The following RSU1 variants were observed in gnomAD, a reference collection of about 807,000 sequenced individuals.
RSU1 encodes Ras suppressor protein 1.
In RSU1, 26 loss-of-function variants were observed where a neutral mutation model predicts 31.1. The ratio of observed to expected loss-of-function variants is 0.84; its 90% CI spans 0.61 to 1.16. The LOEUF is 1.16. Ranked by LOEUF, RSU1 falls within the 50% of genes most tolerant of loss-of-function variation. RSU1 has a pLI of 0.00. For synonymous variants in RSU1, 164 were observed against 136.3 expected (o/e 1.20, Z -1.41); for missense variants, 320 against 339.1 (o/e 0.94, Z 0.44).
At chr10:16,741,268 A>C (rs775765668) in intron 7 of RSU1, among the ~76,000 whole-genome samples, 64 of 152,248 alleles carry the variant, frequency 4.2e-4, no homozygotes, top group Non-Finnish European at 6.9e-4. Flanking sequence ...AGGCAAAAGA[A>C]TAAAACTGAA....
chr10:16,718,097 T>TAAAAAAAAAAAAAAAAAA, intron 7 of RSU1, among the ~76,000 whole-genome samples: 1 of 136,198 alleles, frequency 7.3e-6, no homozygotes, highest in South Asian at 2.4e-4. Context: ...TCAATTTATT[T>TAAAAAAAAAAAAAAAAAA]AAAAAAAAAA....
chr10:16,705,052 G>A (rs1835867866), intron 7 of RSU1, among the ~76,000 whole-genome samples: 1 of 151,876 alleles, frequency 6.6e-6, no homozygotes, highest in Non-Finnish European at 1.5e-5. Flanking sequence ...TTATCTCTTG[G>A]CAACCACCAT....
chr10:16,777,028 T>A (rs1328581288), intron 3 of RSU1, among the ~76,000 whole-genome samples: 2 of 152,094 alleles, frequency 1.3e-5, no homozygotes, highest in Non-Finnish European at 2.9e-5. Flanking sequence ...AAAATTTTTT[T>A]AAAACTTAAG....
At chr10:16,776,087 G>C (rs1246857933) in intron 3 of RSU1, among the ~76,000 whole-genome samples, 2 of 152,170 alleles carry the variant, frequency 1.3e-5, no homozygotes, top group Non-Finnish European at 2.9e-5. Context: ...ACAGACTTAA[G>C]AACAGCAAGG....
intron 2 of RSU1, among the ~76,000 whole-genome samples, chr10:16,786,758 C>T (rs758048366): frequency 2.0e-4 from 31 of 152,148 alleles, no homozygotes; most frequent in African/African-American, 3.6e-4. Context: ...ACGAGAACTC[C>T]GCTTCGTTGG....
intron 8 of RSU1, among the ~76,000 whole-genome samples, chr10:16,674,515 G>A (rs1190556417): frequency 1.3e-5 from 2 of 151,830 alleles, no homozygotes; most frequent in Non-Finnish European, 2.9e-5. Flanking sequence ...TAGGTGCCAG[G>A]CAATGTCTGA....
intron 8 of RSU1, among the ~76,000 whole-genome samples, chr10:16,628,589 G>C (rs1407429739): frequency 2.0e-5 from 3 of 152,138 alleles, no homozygotes; most frequent in African/African-American, 7.2e-5. Context: ...AGAAAGGAAA[G>C]GCATTTGTTA....
intron 8 of RSU1, among the ~76,000 whole-genome samples, chr10:16,653,262 T>C (rs1240122154): frequency 2.0e-5 from 3 of 152,190 alleles, no homozygotes; most frequent in Non-Finnish European, 4.4e-5. Flanking sequence ...ACTATCTCCA[T>C]TTTAAAGTTG....
intron 8 of RSU1, among the ~76,000 whole-genome samples, chr10:16,642,194 T>A (rs529024048): frequency 3.3e-5 from 5 of 151,600 alleles, no homozygotes; most frequent in African/African-American, 1.2e-4. Flanking sequence ...TTCTCTGTAA[T>A]AACGTTACTG....
chr10:16,680,680 A>G (rs1157764466), intron 8 of RSU1, among the ~76,000 whole-genome samples: 1 of 152,200 alleles, frequency 6.6e-6, no homozygotes, highest in Non-Finnish European at 1.5e-5. Flanking sequence ...ACTCAGAGCA[A>G]GAGCTCACTC....
At position 16,590,679 on chromosome 10, in the gene RSU1, A is replaced by C. The variant is rs1272980828; in HGVS notation, c.*2715T>G. On this transcript the variant is annotated 3_prime_UTR_variant, in exon 9 of 9. Transcript: ENST00000345264. ...AAAGTATATGTGTTCATTAGAAAAA[A>C]TTTAAGTACAGAATGAATAAGTAAA... The C allele has an allele frequency of 6.6e-6, 1 of 152,218 alleles. No individual in the cohort carries two copies. Among genetic ancestry groups the C allele is most frequent in the South Asian group, 2.1e-4 (1 of 4,832 alleles). The allele number at this position is 152,218 out of a possible 1,614,324, so 9.4% of individuals were successfully genotyped here. A position where few individuals can be genotyped will look rare whatever the true frequency, so the allele number is the denominator to read the frequency against.
intron 8 of RSU1, among the ~76,000 whole-genome samples, chr10:16,658,872 A>AC (rs1834836211): frequency 6.6e-6 from 1 of 152,196 alleles, no homozygotes; most frequent in Admixed American, 6.5e-5. Flanking sequence ...AATTAGATTG[A>AC]GACCATCAGA....
At chr10:16,791,898 T>C (rs368327781) in intron 2 of RSU1, among the ~76,000 whole-genome samples, 2 of 152,318 alleles carry the variant, frequency 1.3e-5, no homozygotes, top group African/African-American at 4.8e-5. Context: ...TCCATAGTTT[T>C]CAATCTGGCA....
chr10:16,611,504 T>C (rs999470669), intron 8 of RSU1, among the ~76,000 whole-genome samples: 2 of 152,226 alleles, frequency 1.3e-5, no homozygotes, highest in Non-Finnish European at 2.9e-5. Context: ...TGAGTTCCCA[T>C]AGATGTCTTC....
At chr10:16,783,258 T>C (rs1038394351) in intron 2 of RSU1, among the ~76,000 whole-genome samples, 1 of 152,110 alleles carries the variant, frequency 6.6e-6, no homozygotes, top group Non-Finnish European at 1.5e-5. Context: ...GTAGAGGTTT[T>C]TCCTTAAACG....
In RSU1 at chr10:16,817,384, T is replaced by C. The variant is rs1236588001; in HGVS notation, c.-73A>G. 2 of 362,530 alleles carry C rather than the reference T, an allele frequency of 5.5e-6. No homozygotes were observed. Among genetic ancestry groups the C allele is most frequent in the Admixed American group, 4.3e-5 (1 of 23,356 alleles). The allele number at this position is 362,530 out of a possible 1,614,324, so 22.5% of individuals were successfully genotyped here. ...TCGGCAGAACGCACTCCAGCTGCCCTCACTCCCTGCAACACCGGCACTGAA... is the reference window on the plus strand; with the variant it reads ...TCGGCAGAACGCACTCCAGCTGCCCCCACTCCCTGCAACACCGGCACTGAA... On this transcript the variant is annotated 5_prime_UTR_variant, in exon 1 of 9. Coordinates refer to ENST00000345264, the MANE Select transcript of RSU1 (RefSeq NM_012425.4).
chr10:16,700,234 T>C (rs1332430901), intron 7 of RSU1, among the ~76,000 whole-genome samples: 2 of 152,176 alleles, frequency 1.3e-5, no homozygotes, highest in Non-Finnish European at 2.9e-5. Context: ...CCTCCCTTCC[T>C]AATTTCAAAA....
intron 8 of RSU1, among the ~76,000 whole-genome samples, chr10:16,684,615 T>C (rs1362072577): frequency 6.6e-6 from 1 of 152,108 alleles, no homozygotes; most frequent in Non-Finnish European, 1.5e-5. Flanking sequence ...AGACAAACCC[T>C]TCCCTAACTG....
At chr10:16,789,343 A>G (rs1346340267) in intron 2 of RSU1, among the ~76,000 whole-genome samples, 3 of 152,244 alleles carry the variant, frequency 2.0e-5, no homozygotes, top group Admixed American at 2.0e-4. Context: ...GAAAAACAAG[A>G]GCAGAAAAGA....
Sources: allele counts gnomAD v4.1 joint callset (sites outside exome capture counted in the v4.1 genomes callset), GRCh38; gene constraint gnomAD v4.1.1; transcripts MANE v1.5; gene names NCBI Gene and HGNC (gene_info 2026-07-23, HGNC 2026-07-21).